The following CDK13 variants were observed in gnomAD, a reference collection of about 807,000 sequenced individuals.
The protein encoded by CDK13 is cyclin-dependent kinase 13.
In CDK13, 40 loss-of-function variants were observed where a neutral mutation model predicts 137.6. That is an observed-to-expected ratio of 0.29 (90% CI 0.23 to 0.38). The LOEUF is 0.38. Ranked by LOEUF, CDK13 falls within the 10% of genes least tolerant of loss-of-function variation. The probability of loss-of-function intolerance (pLI) is 1.00; values close to 1 mark genes in which losing one functional copy is unlikely to be tolerated. For missense variants in CDK13, 1,704 were observed against 1,951.8 expected (o/e 0.87, Z 2.39); for synonymous variants, 869 against 760.1 (o/e 1.14, Z -2.36).
At chr7:40,049,469 A>G (rs566302862) in intron 7 of CDK13, among the ~76,000 whole-genome samples, 7 of 150,708 alleles carry the variant, frequency 4.6e-5, no homozygotes, top group Admixed American at 1.3e-4. Flanking sequence ...CTCATTTTGC[A>G]TTTGAGCGAA....
intron 5 of CDK13, among the ~76,000 whole-genome samples, chr7:40,028,938 T>C (rs1785304455): frequency 6.6e-6 from 1 of 151,934 alleles, no homozygotes; most frequent in African/African-American, 2.4e-5. Context: ...ATTGATACTA[T>C]ATTACAAAAA....
intron 1 of CDK13, among the ~76,000 whole-genome samples, chr7:39,975,902 A>G (rs1191610925): frequency 6.6e-6 from 1 of 152,236 alleles, no homozygotes; most frequent in Admixed American, 6.5e-5. Context: ...AATCCAATTT[A>G]TGTTTTTAAA....
At chr7:40,015,589 GGTA>G (rs1784987616) in intron 5 of CDK13, among the ~76,000 whole-genome samples, 1 of 152,168 alleles carries the variant, frequency 6.6e-6, no homozygotes, top group Middle Eastern at 3.4e-3. Context: ...AGTTTAGCTT[GGTA>G]GTAGATTGAT....
At chr7:40,046,918 C>T (rs17538055) in intron 6 of CDK13, among the ~76,000 whole-genome samples, 3 of 144,780 alleles carry the variant, frequency 2.1e-5, no homozygotes, top group African/African-American at 7.6e-5. Flanking sequence ...ACGAGAATCG[C>T]TTGAATCCCA....
intron 1 of CDK13, among the ~76,000 whole-genome samples, chr7:39,962,311 T>G (rs952153797): frequency 7.9e-5 from 12 of 152,204 alleles, no homozygotes; most frequent in Non-Finnish European, 4.4e-5. Flanking sequence ...TTTCCTGACT[T>G]TTTAATGATC....
chr7:40,034,781 G>A (rs1230554847), intron 5 of CDK13, among the ~76,000 whole-genome samples: 3 of 152,128 alleles, frequency 2.0e-5, no homozygotes, highest in Non-Finnish European at 4.4e-5. Flanking sequence ...GGCTATTACT[G>A]GATGTTGTCA....
intron 11 of CDK13, among the ~76,000 whole-genome samples, chr7:40,085,375 A>G (rs1786766553): frequency 6.6e-6 from 1 of 152,098 alleles, no homozygotes; most frequent in African/African-American, 2.4e-5. Context: ...TCTCAAAAAA[A>G]AAAAAAGGAA....
intron 4 of CDK13, among the ~76,000 whole-genome samples, chr7:39,999,763 CTT>C (rs1454912724): frequency 2.0e-5 from 3 of 152,068 alleles, no homozygotes; most frequent in Non-Finnish European, 2.9e-5. Flanking sequence ...TTTCTTTCCT[CTT>C]TTATGGTGAA....
At chr7:39,999,284 G>A (rs1444705182) in intron 3 of CDK13, 77 bp from the exon 4 acceptor site, 3 of 1,174,950 alleles carry the variant, frequency 2.6e-6, no homozygotes, top group Non-Finnish European at 3.6e-6. Context: ...ATTGGGTGGC[G>A]AGTAGATATT....
At chr7:40,083,516 C>A (rs1355708043) in intron 11 of CDK13, among the ~76,000 whole-genome samples, 1 of 152,110 alleles carries the variant, frequency 6.6e-6, no homozygotes, top group Non-Finnish European at 1.5e-5. Flanking sequence ...TGCTACTTTG[C>A]CAGTCCATTT....
chr7:40,084,207 G>A (rs113696294), intron 11 of CDK13, among the ~76,000 whole-genome samples: 16,979 of 152,006 alleles, frequency 0.11, 3,124 homozygotes, highest in African/African-American at 0.38. Context: ...TAGGCCGGGC[G>A]CAGTGGCTCA....
At chr7:40,010,147 C>T (rs1327132743) in intron 5 of CDK13, among the ~76,000 whole-genome samples, 1 of 151,844 alleles carries the variant, frequency 6.6e-6, no homozygotes, top group Non-Finnish European at 1.5e-5. Flanking sequence ...AACAACTCAC[C>T]ATAATGTTGA....
intron 5 of CDK13, among the ~76,000 whole-genome samples, chr7:40,010,718 T>G (rs977605204): frequency 6.6e-6 from 1 of 152,144 alleles, no homozygotes; most frequent in Non-Finnish European, 1.5e-5. Flanking sequence ...TTCGCTCACC[T>G]GCCACTCATC....
rs1184419353 is a variant in CDK13, at chr7:40,021,630, T to A, written c.2353+19599T>A. 4.7e-4 allele frequency among the ~76,000 whole-genome samples: 72 copies of A among 152,148 alleles called. 1 individual carries two copies. The highest frequency in any genetic ancestry group is 1.3e-4 in the Non-Finnish European group (9 of 68,030). On this transcript the variant is annotated intron_variant, in intron 5 of 13. Coordinates refer to ENST00000181839, the MANE Select transcript of CDK13 (RefSeq NM_003718.5). The stretch of plus-strand genomic sequence containing the variant: ...GAAAACTAGTTAGAAACTTAACAAA[T>A]CTAAAAAAGTAGTGTTTTATTTAAT...
chr7:39,957,886 A>AT (rs1787469058), intron 1 of CDK13, among the ~76,000 whole-genome samples: 1 of 152,074 alleles, frequency 6.6e-6, no homozygotes, highest in African/African-American at 2.4e-5. Context: ...GATAATTTTA[A>AT]TTTTTTCCTT....
intron 1 of CDK13, among the ~76,000 whole-genome samples, chr7:39,982,666 C>T (rs1029521496): frequency 1.1e-4 from 17 of 152,200 alleles, no homozygotes; most frequent in Admixed American, 2.0e-4. Context: ...TCCACATCCT[C>T]TCCAGCACCT....
chr7:39,987,635 A>G lies in CDK13; in HGVS notation c.1248A>G (p.Ser416=). The G allele has an allele frequency of 1.2e-6, 2 of 1,610,606 alleles. No homozygotes were observed. The highest frequency in any genetic ancestry group is 1.1e-5 in the South Asian group (1 of 90,122). The stretch of plus-strand genomic sequence containing the variant: ...AATCCCGAAGCAGAAGCCCGTATTC[A>G]TCTAGGCATTCAAGATCTCGTAGCA... ...SGKSRSRSPY[S]SRHSRSRSRH... The change falls in exon 2 of 14, where the codon TCA becomes TCG. Residue 416 remains serine (S), a synonymous_variant. Transcript: ENST00000181839.
intron 7 of CDK13, among the ~76,000 whole-genome samples, chr7:40,051,285 A>G (rs1490779843): frequency 6.6e-6 from 1 of 151,718 alleles, no homozygotes; most frequent in Non-Finnish European, 1.5e-5. Flanking sequence ...TAAGAGAATA[A>G]TTCTGATTTC....
At chr7:40,063,206 C>A in intron 9 of CDK13, 106 bp downstream of exon 9, 1 of 793,534 alleles carries the variant, frequency 1.3e-6, no homozygotes, top group Non-Finnish European at 2.1e-6. Flanking sequence ...CAACATGGTT[C>A]TCTGGAGGGC....
Sources: gnomAD v4.1 joint callset for allele counts (sites outside exome capture counted in the v4.1 genomes callset) on GRCh38, gnomAD v4.1.1 for gene constraint, MANE v1.5 for transcripts, NCBI Gene and HGNC (gene_info 2026-07-23, HGNC 2026-07-21) for gene names.